The following ASTL variants were observed in gnomAD, a reference collection of about 807,000 sequenced individuals.
ASTL encodes the protein astacin like metalloendopeptidase.
A neutral mutation model predicts 36.7 loss-of-function variants in ASTL; 27 were observed. That is an observed-to-expected ratio of 0.73 (90% confidence interval 0.54 to 1.01). The LOEUF is 1.01. Among genes scored for constraint, ASTL ranks in the 50% least tolerant of loss-of-function variants. ASTL has a pLI of 0.00. For missense variants in ASTL, 524 were observed against 572.8 expected, an observed-to-expected ratio of 0.91 and a Z score of 0.87; for synonymous variants, 222 against 228.1, an observed-to-expected ratio of 0.97 and a Z score of 0.24.
intron 8 of ASTL, among the ~76,000 whole-genome samples, chr2:96,128,230 C>CA (rs541968437): frequency 0.33 from 38,032 of 114,638 alleles, 5,550 homozygotes; most frequent in East Asian, 0.43. Flanking sequence ...GAAACTGTCT[C>CA]AAAAAAAAAA....
rs780727002 is a variant in ASTL at position 96,133,940 on chromosome 2, G to T, written c.337+25C>A. ...ATTAGGAAGAAGGGGCTGAGGCAGG[G>T]AGGGAGCGCGCCATGCTCACTCACC... is the stretch of plus-strand genomic sequence containing the variant. On this transcript the variant is annotated intron_variant, in intron 4 of 8. Transcript: ENST00000342380. 4 of 1,509,808 alleles carry T rather than the reference G, an allele frequency of 2.6e-6. No individual in the cohort carries two copies. The Admixed American group carries it at 5.0e-5, about 19-fold the overall frequency. The allele number at this position is 1,509,808 out of a possible 1,614,324, so 93.5% of individuals were successfully genotyped here. A position where few individuals can be genotyped will look rare whatever the true frequency, so the allele number is the denominator to read the frequency against.
rs1182819389 is a variant in ASTL at position 96,123,515 on chromosome 2, G to A, written c.*335C>T. Among the ~76,000 whole-genome samples, 1 of 152,186 alleles carries A rather than the reference G, an allele frequency of 6.6e-6. No individual in the cohort carries two copies. ...GGCACAGGAGGGATTCCAGGGTTCT[G>A]CGGGGCTGGAACCTACCTCTTCCCC... On this transcript the variant is annotated 3_prime_UTR_variant, in exon 9 of 9. Coordinates refer to ENST00000342380, the MANE Select transcript of ASTL (RefSeq NM_001002036.4).
chr2:96,137,344 C>T (rs1682322192), intron 2 of ASTL, among the ~76,000 whole-genome samples: 1 of 152,212 alleles, frequency 6.6e-6, no homozygotes, highest in South Asian at 2.1e-4. Flanking sequence ...CCCATTCACA[C>T]CTGTAGTCCC....
intron 6 of ASTL, among the ~76,000 whole-genome samples, chr2:96,131,548 A>G (rs1296656021): frequency 6.6e-6 from 1 of 152,114 alleles, no homozygotes; most frequent in Non-Finnish European, 1.5e-5. Flanking sequence ...CAGGGTACAG[A>G]GTCACTTGTC....
rs549333943 is a variant in ASTL at position 96,124,856 on chromosome 2, G to A, written c.875-585C>T. 6.6e-6 allele frequency among the ~76,000 whole-genome samples: 1 copy of A among 152,118 alleles called. No individual in the cohort carries two copies. The highest frequency in any genetic ancestry group is 2.4e-5 in the African/African-American group (1 of 41,404). On this transcript the variant is annotated intron_variant, in intron 8 of 8. Transcript: ENST00000342380. This position sits in a 1 kb window ranked among gnomAD's most constrained non-coding sequence, Gnocchi z 4.1. ...CATCCCAGTTCCTCCTGCGCATGCAGCGAGGGCTTCACCAGGAGCCTCTTC... is the reference window on the plus strand; with the variant it reads ...CATCCCAGTTCCTCCTGCGCATGCAACGAGGGCTTCACCAGGAGCCTCTTC...
At position 96,123,736 on chromosome 2, in the gene ASTL, G is replaced by T; in HGVS notation, c.*114C>A. 1.3e-6 allele frequency: 1 copy of T among 793,322 alleles called. No individual in the cohort carries two copies. Among genetic ancestry groups the T allele is most frequent in the Non-Finnish European group, 2.0e-6 (1 of 488,654 alleles). 49.1% of individuals were successfully genotyped at this position (793,322 alleles called of 1,614,324 possible). On this transcript the variant is annotated 3_prime_UTR_variant, in exon 9 of 9. Transcript: ENST00000342380. ...GAAGAGTCCTGGCCCTCTGAGATGG[G>T]GTGGTAGGTTGGGGCTGGAAGACAG...
chr2:96,135,068 T>C (rs1003329992), intron 3 of ASTL, among the ~76,000 whole-genome samples: 1 of 152,212 alleles, frequency 6.6e-6, no homozygotes, highest in African/African-American at 2.4e-5. Context: ...GCACCTCCCC[T>C]GGGCAGGGTA....
At chr2:96,133,743 G>A (rs1399022994) in intron 4 of ASTL, 8 of 638,758 alleles carry the variant, frequency 1.3e-5, no homozygotes, top group Non-Finnish European at 2.2e-5. Context: ...GCACCGCATG[G>A]TCTCAAGGGG....
intron 2 of ASTL, among the ~76,000 whole-genome samples, chr2:96,136,054 G>A (rs188999248): frequency 7.2e-5 from 11 of 152,248 alleles, no homozygotes; most frequent in South Asian, 2.1e-4. Flanking sequence ...ACCGGCTCTC[G>A]CAAGCCCCTC....
chr2:96,132,127 C>T lies in ASTL; in HGVS notation c.637+413G>A, dbSNP rs1454230265. Among the ~76,000 whole-genome samples the T allele has an allele frequency of 6.6e-6, 1 of 152,224 alleles. No individual in the cohort carries two copies. The highest frequency in any genetic ancestry group is 1.5e-5 in the Non-Finnish European group (1 of 68,040). On this transcript the variant is annotated intron_variant, in intron 6 of 8. Transcript: ENST00000342380. This position sits in a 1 kb window ranked among gnomAD's most constrained non-coding sequence, Gnocchi z 5.4. ...TTGTGCAGCCTGCTACCTTGGGGTC[C>T]CACTTTGGCTCAGCTCCCCAAGCTG...
Position 96,133,499 on chromosome 2 carries a change from A to C in ASTL, c.381T>G (p.Phe127Leu), listed in dbSNP as rs1682229749. The stretch of plus-strand genomic sequence containing the variant: ...CAAACCTGATGCACGTGGAACGTTC[A>C]AACTCCGCAAGAGCCTCCAGGATGA... ...RQVILEALAE[F>L]ERSTCIRFVT... Residue 127 changes from phenylalanine (F) to leucine (L), a missense_variant, in exon 5 of 9, where the codon TTT becomes TTG. Physicochemically the swap from Phe to Leu is conservative, Grantham distance 22. Transcript: ENST00000342380. 1 of 1,614,212 alleles carries C rather than the reference A, an allele frequency of 6.2e-7. No individual in the cohort carries two copies. The highest frequency in any genetic ancestry group is 1.7e-5 in the Admixed American group (1 of 60,028).
At position 96,123,904 on chromosome 2, in the gene ASTL, A is replaced by G; in HGVS notation, c.1242T>C (p.Ala414=). ...TTCTAGGTACACAGCCCCCTGGCAG[A>G]GCTGGGCTTCCCTGGACAGGGACTG... The part of the protein sequence containing the change: ...IQPVPVQGSP[A]LPGGCVPRNH... The change falls in exon 9 of 9, where the codon GCT becomes GCC. Residue 414 remains alanine, a synonymous_variant. Coordinates refer to ENST00000342380, the MANE Select transcript of ASTL (RefSeq NM_001002036.4). 6.2e-7 allele frequency: 1 copy of G among 1,614,036 alleles called. No individual in the cohort carries two copies. The highest frequency in any genetic ancestry group is 8.5e-7 in the Non-Finnish European group (1 of 1,179,960).
intron 1 of ASTL, 140 bp downstream of exon 1, chr2:96,138,242 A>C: frequency 2.5e-6 from 2 of 801,722 alleles, no homozygotes; most frequent in Middle Eastern, 3.3e-4. Flanking sequence ...GCTGACTTCT[A>C]GAATAACCCT....
intron 1 of ASTL, chr2:96,137,910 C>T (rs1299135307): frequency 1.8e-6 from 1 of 551,290 alleles, no homozygotes; most frequent in East Asian, 2.9e-5. Context: ...GAAGGAGCTC[C>T]CTTAGGGGGA....
chr2:96,133,237 C>T (rs1311461907), intron 5 of ASTL, among the ~76,000 whole-genome samples, 188 bp downstream of exon 5: 1 of 152,102 alleles, frequency 6.6e-6, no homozygotes, highest in Non-Finnish European at 1.5e-5. Context: ...GAGGGTCTAG[C>T]ACCGTTCCCA....
At position 96,132,480 on chromosome 2, in the gene ASTL, G is replaced by T; in HGVS notation, c.637+60C>A. ...TCACCCATGGGGACCAGGCGACTTG[G>T]GCCCAAGCCGTGCTGTCCCCTCCCC... is the stretch of plus-strand genomic sequence containing the variant. On this transcript the variant is annotated intron_variant, in intron 6 of 8. Coordinates refer to ENST00000342380, the MANE Select transcript of ASTL (RefSeq NM_001002036.4). This position sits in a 1 kb window ranked among gnomAD's most constrained non-coding sequence, Gnocchi z 5.4. The T allele has an allele frequency of 5.4e-6, 8 of 1,487,980 alleles. No homozygotes were observed. The highest frequency in any genetic ancestry group is 6.4e-6 in the Non-Finnish European group (7 of 1,100,990). 92.2% of individuals were successfully genotyped at this position (1,487,980 alleles called of 1,614,324 possible). A position where few individuals can be genotyped will look rare whatever the true frequency, so the allele number is the denominator to read the frequency against.
chr2:96,127,637 G>A (rs1429723463), intron 8 of ASTL, among the ~76,000 whole-genome samples: 6 of 151,876 alleles, frequency 4.0e-5, no homozygotes, highest in Admixed American at 6.6e-5. Context: ...GCAGTGGCAC[G>A]ATCTTGGCTC....
intron 8 of ASTL, among the ~76,000 whole-genome samples, chr2:96,128,543 C>G (rs1450761915): frequency 6.6e-6 from 1 of 152,166 alleles, no homozygotes; most frequent in Non-Finnish European, 1.5e-5. Flanking sequence ...ACTTAACTGT[C>G]CTTCCATAGT....
chr2:96,133,374 G>T, intron 5 of ASTL, 51 bp downstream of exon 5: 1 of 1,248,512 alleles, frequency 8.0e-7, no homozygotes, highest in Non-Finnish European at 1.2e-6. Flanking sequence ...AGTTAATTCC[G>T]GGCTGAACGC....
Sources: gnomAD v4.1 joint callset for allele counts (sites outside exome capture counted in the v4.1 genomes callset) on GRCh38, gnomAD v4.1.1 for gene constraint, Gnocchi (gnomAD v3.1) non-coding constraint, MANE v1.5 for transcripts, NCBI Gene and HGNC (gene_info 2026-07-23, HGNC 2026-07-21) for gene names.